UTRN: variants seen among roughly 807,000 people sequenced by gnomAD.
The protein encoded by UTRN is dystrophin-related protein 1.
Under a neutral mutation model 463.9 loss-of-function variants are expected in UTRN, and 283 were observed. The ratio of observed to expected loss-of-function variants is 0.61; its 90% CI spans 0.55 to 0.67. UTRN has a LOEUF of 0.67. UTRN is among the 30% of genes least tolerant of loss of function. UTRN has a pLI of 0.00. For missense variants in UTRN, 3,922 were observed against 4,084.3 expected, an observed-to-expected ratio of 0.96 and a Z score of 1.08; for synonymous variants, 1,442 against 1,431.5, an observed-to-expected ratio of 1.01 and a Z score of -0.17.
chr6:144,788,130 T>C (rs1455573166), intron 61 of UTRN, among the ~76,000 whole-genome samples: 1 of 152,156 alleles, frequency 6.6e-6, no homozygotes, highest in Non-Finnish European at 1.5e-5. Context: ...ATAAGTGAAA[T>C]AGAAATGATC....
intron 2 of UTRN, among the ~76,000 whole-genome samples, chr6:144,320,894 C>G (rs776717756): frequency 1.3e-5 from 2 of 152,180 alleles, no homozygotes; most frequent in Non-Finnish European, 2.9e-5. Context: ...GCACCTTATT[C>G]ACCAGATTTA....
intron 2 of UTRN, among the ~76,000 whole-genome samples, chr6:144,310,566 G>A (rs2114556605): frequency 6.6e-6 from 1 of 150,640 alleles, no homozygotes; most frequent in South Asian, 2.1e-4. Context: ...GCTGGGCATG[G>A]TAGTGCATGC....
intron 1 of UTRN, among the ~76,000 whole-genome samples, chr6:144,287,465 A>G (rs1465335506): frequency 6.6e-6 from 1 of 151,906 alleles, no homozygotes; most frequent in African/African-American, 2.4e-5. Flanking sequence ...TACTATCTCA[A>G]TCGTTCCTAG....
At chr6:144,664,760 G>A (rs1780214606) in intron 51 of UTRN, among the ~76,000 whole-genome samples, 1 of 151,506 alleles carries the variant, frequency 6.6e-6, no homozygotes, top group African/African-American at 2.4e-5. Context: ...TAAATTAATT[G>A]AATAATTAAT....
At chr6:144,771,852 A>T in intron 58 of UTRN, 55 bp from the exon 59 acceptor site, 1 of 1,440,804 alleles carries the variant, frequency 6.9e-7, no homozygotes, top group African/African-American at 1.4e-5. Context: ...TTTTTGGCCT[A>T]TATGAAGTTT....
rs527813555 is a variant in UTRN, at chr6:144,475,652, A to G, written c.3336+893A>G. ...TTTTTTAGCAACAGTATCTTGTTGTATCACCCAGGCTGGAGTGCAGTGGCA... is the reference window on the plus strand; with the variant it reads ...TTTTTTAGCAACAGTATCTTGTTGTGTCACCCAGGCTGGAGTGCAGTGGCA... On this transcript the variant is annotated intron_variant, in intron 25 of 74. Coordinates refer to ENST00000367545, the MANE Select transcript of UTRN (RefSeq NM_007124.3). Among the ~76,000 whole-genome samples the G allele has an allele frequency of 5.3e-5, 8 of 152,210 alleles. No homozygotes were observed. The East Asian group carries it at 1.5e-3, about 29-fold the overall frequency.
intron 51 of UTRN, among the ~76,000 whole-genome samples, chr6:144,579,473 T>G (rs1220574906): frequency 6.6e-6 from 1 of 152,192 alleles, no homozygotes; most frequent in African/African-American, 2.4e-5. Context: ...AAATGAACCC[T>G]GGTAATGAGC....
chr6:144,472,037 A>G (rs1252899598), intron 23 of UTRN, among the ~76,000 whole-genome samples: 1 of 152,186 alleles, frequency 6.6e-6, no homozygotes, highest in African/African-American at 2.4e-5. Flanking sequence ...TGGGATTTTT[A>G]CCCTTGATCT....
At chr6:144,827,300 C>G in intron 66 of UTRN, 48 bp from the exon 67 acceptor site, 1 of 1,609,168 alleles carries the variant, frequency 6.2e-7, no homozygotes, top group East Asian at 2.2e-5. Context: ...TTAAATTGCT[C>G]TAAAGTGTTT....
At chr6:144,440,602 C>A in intron 13 of UTRN, 131 bp downstream of exon 13, 2 of 1,229,300 alleles carry the variant, frequency 1.6e-6, no homozygotes, top group Non-Finnish European at 2.3e-6. Context: ...TTTGATTGTA[C>A]TTCTCAGTTG....
chr6:144,803,426 A>T (rs186397347), intron 65 of UTRN, among the ~76,000 whole-genome samples: 320 of 152,144 alleles, frequency 2.1e-3, no homozygotes, highest in Non-Finnish European at 4.2e-3. Context: ...GTAACGAAAA[A>T]TCATGTTTCT....
In UTRN at chr6:144,522,149, C is replaced by G. The variant is rs867327370; in HGVS notation, c.5711C>G (p.Ser1904Cys). The part of the protein sequence containing the change: ...ELNTAIYEDF[S>C]FQEDSLKNIK... ...AACACTGCTATTTACGAAGACTTCT[C>G]TTTTCAGGAAGACTCTCTGAAGGTA... is the stretch of plus-strand genomic sequence containing the variant. Residue 1904 changes from serine (S) to cysteine (C), a missense_variant, in exon 40 of 75, where the codon TCT (serine) becomes TGT (cysteine). Ser to Cys is a moderately radical substitution (Grantham distance 112). Coordinates refer to ENST00000367545, the MANE Select transcript of UTRN (RefSeq NM_007124.3). The G allele has an allele frequency of 3.2e-6, 5 of 1,540,298 alleles. No homozygotes were observed. The highest frequency in any genetic ancestry group is 4.4e-6 in the Non-Finnish European group (5 of 1,144,236).
intron 65 of UTRN, among the ~76,000 whole-genome samples, chr6:144,809,571 A>T (rs1389194591): frequency 3.3e-5 from 5 of 152,108 alleles, no homozygotes; most frequent in African/African-American, 1.2e-4. Context: ...CAGTCAGTGA[A>T]AGATTTTTTC....
chr6:144,486,048 C>T (rs1246627224), intron 28 of UTRN, among the ~76,000 whole-genome samples: 1 of 152,168 alleles, frequency 6.6e-6, no homozygotes, highest in African/African-American at 2.4e-5. Context: ...CCTCAGTTCC[C>T]AGCACAGTGT....
chr6:144,806,450 C>G, intron 65 of UTRN, among the ~76,000 whole-genome samples: 1 of 152,138 alleles, frequency 6.6e-6, no homozygotes, highest in Non-Finnish European at 1.5e-5. Flanking sequence ...TATGACAGGT[C>G]ACTTTCTGCA....
chr6:144,470,312 G>A (rs925047041), intron 23 of UTRN, among the ~76,000 whole-genome samples: 37 of 151,986 alleles, frequency 2.4e-4, no homozygotes, highest in African/African-American at 8.4e-4. Context: ...CAGACGGGGC[G>A]GCTGCCGGGC....
intron 35 of UTRN, among the ~76,000 whole-genome samples, chr6:144,511,347 A>C (rs536678844): frequency 1.3e-5 from 2 of 152,314 alleles, no homozygotes; most frequent in Non-Finnish European, 2.9e-5. Flanking sequence ...GCATGGAATG[A>C]GGTACTTTCA....
chr6:144,746,099 C>G (rs1007435144), intron 54 of UTRN, among the ~76,000 whole-genome samples: 3 of 151,860 alleles, frequency 2.0e-5, no homozygotes, highest in Admixed American at 2.0e-4. Context: ...CTCCCGGGGT[C>G]AAGCGATTCT....
Position 144,461,298 on chromosome 6 carries a change from C to A in UTRN, c.2809C>A (p.Leu937Ile). The A allele has an allele frequency of 6.3e-7, 1 of 1,595,170 alleles. No homozygotes were observed. Among genetic ancestry groups the A allele is most frequent in the Non-Finnish European group, 8.6e-7 (1 of 1,169,304 alleles). ...TAAGGCCCAGGTGTCTCTGAATGTC[C>A]TTAATGATCTTGCCAAGGTGGAGAA... ...ENKAQVSLNVLNDLAKVEKAL... is the reference protein window; with the variant it reads ...ENKAQVSLNVINDLAKVEKAL... The change falls in exon 22 of 75, where the codon CTT (leucine) becomes ATT (isoleucine). Residue 937 changes from leucine (L) to isoleucine (I), a missense_variant. Around this residue, in one of 3 missense-constraint regions of UTRN, gnomAD observed 2,349 missense variants for 2,303.8 expected, o/e 1.02. Coordinates refer to ENST00000367545, the MANE Select transcript of UTRN (RefSeq NM_007124.3).
Sources: allele counts gnomAD v4.1 joint callset (sites outside exome capture counted in the v4.1 genomes callset), GRCh38; gene constraint gnomAD v4.1.1; regional missense constraint gnomAD v4.1.1; transcripts MANE v1.5; gene names NCBI Gene and HGNC (gene_info 2026-07-23, HGNC 2026-07-21).